NEK11: variants seen among roughly 807,000 people sequenced by gnomAD.
NEK11 encodes NIMA related kinase 11, also known as serine/threonine-protein kinase Nek11.
A neutral mutation model predicts 80.7 loss-of-function variants in NEK11; 72 were observed. The ratio of observed to expected loss-of-function variants is 0.89; its 90% CI spans 0.74 to 1.08. The LOEUF is 1.08. Ranked by LOEUF, NEK11 falls within the 50% of genes least tolerant of loss-of-function variation. The probability of loss-of-function intolerance (pLI) is 0.00; values close to 1 mark genes in which losing one functional copy is unlikely to be tolerated. For synonymous variants in NEK11, 251 were observed against 260.7 expected, an observed-to-expected ratio of 0.96 and a Z score of 0.36; for missense variants, 764 against 763.6, an observed-to-expected ratio of 1.00 and a Z score of -0.01.
intron 17 of NEK11, among the ~76,000 whole-genome samples, chr3:131,299,815 T>A (rs530467752): frequency 2.0e-5 from 3 of 152,342 alleles, no homozygotes; most frequent in African/African-American, 7.2e-5. Flanking sequence ...TTTGCTTTTG[T>A]GAATAGTGCT....
intron 17 of NEK11, among the ~76,000 whole-genome samples, chr3:131,344,671 A>G (rs777048781): frequency 6.6e-6 from 1 of 152,218 alleles, no homozygotes; most frequent in Non-Finnish European, 1.5e-5. Context: ...CAAGCATAGC[A>G]CCAACATCTG....
intron 10 of NEK11, among the ~76,000 whole-genome samples, chr3:131,160,661 C>T (rs1392552508): frequency 1.3e-5 from 2 of 152,174 alleles, no homozygotes; most frequent in East Asian, 3.9e-4. Flanking sequence ...CAAGGCCCAA[C>T]TATATGCTGT....
chr3:131,149,408 G>A (rs184551071), intron 7 of NEK11, among the ~76,000 whole-genome samples: 167 of 152,116 alleles, frequency 1.1e-3, no homozygotes, highest in Non-Finnish European at 1.9e-3. Context: ...CTTTGCTATT[G>A]TGAATAGTGC....
intron 17 of NEK11, among the ~76,000 whole-genome samples, chr3:131,279,404 T>G (rs1426741808): frequency 6.6e-6 from 1 of 152,154 alleles, no homozygotes; most frequent in Non-Finnish European, 1.5e-5. Flanking sequence ...AGTATATAAT[T>G]TACATGCAGC....
intron 3 of NEK11, among the ~76,000 whole-genome samples, chr3:131,061,325 A>G (rs2070821568): frequency 6.6e-6 from 1 of 152,212 alleles, no homozygotes; most frequent in African/African-American, 2.4e-5. Flanking sequence ...AGTGGTGTCA[A>G]GTTGAGTTTA....
At chr3:131,312,618 T>C (rs892622717) in intron 17 of NEK11, among the ~76,000 whole-genome samples, 1 of 152,238 alleles carries the variant, frequency 6.6e-6, no homozygotes, top group Admixed American at 6.5e-5. Flanking sequence ...ATTTATTGAA[T>C]GGTCAGTCAA....
chr3:131,257,002 T>A (rs918359862), intron 16 of NEK11, among the ~76,000 whole-genome samples: 2 of 152,022 alleles, frequency 1.3e-5, no homozygotes, highest in African/African-American at 4.8e-5. Context: ...AATTTTTTTT[T>A]AAGACAGGGT....
In NEK11 at chr3:131,166,950, C is replaced by T. The variant is rs1423749955; in HGVS notation, c.1176+1431C>T. On this transcript the variant is annotated intron_variant, in intron 12 of 17. Transcript: ENST00000383366. The stretch of plus-strand genomic sequence containing the variant: ...TTCTCTGGTGCAGTCTGCTTTGTCC[C>T]CCTGCAGTGCTGAGAACTGCACATT... Among the ~76,000 whole-genome samples the T allele has an allele frequency of 2.6e-5, 4 of 152,146 alleles. No homozygotes were observed. The South Asian group carries it at 6.2e-4, about 24-fold the overall frequency.
At chr3:131,176,683 C>G (rs1017373296) in intron 14 of NEK11, among the ~76,000 whole-genome samples, 49 of 152,226 alleles carry the variant, frequency 3.2e-4, no homozygotes, top group African/African-American at 1.2e-3. Flanking sequence ...CTGTCTAACA[C>G]CTGCCCAACA....
rs768092682 is a variant in NEK11 at position 131,132,756 on chromosome 3, A to T, written c.467A>T (p.His156Leu). 26 of 1,525,156 alleles carry T rather than the reference A, an allele frequency of 1.7e-5. No individual in the cohort carries two copies. Among genetic ancestry groups the T allele is most frequent in the Non-Finnish European group, 2.2e-5 (25 of 1,117,732 alleles). 94.5% of individuals were successfully genotyped at this position (1,525,156 alleles called of 1,614,324 possible). A position where few individuals can be genotyped will look rare whatever the true frequency, so the allele number is the denominator to read the frequency against. Residue 156 changes from histidine (H) to leucine (L), a missense_variant, in exon 6 of 18, where the codon CAT becomes CTT. Coordinates refer to ENST00000383366, the MANE Select transcript of NEK11 (RefSeq NM_024800.5). ...VDYMHERRILHRDLKSKNVFL... is the reference protein window; with the variant it reads ...VDYMHERRILLRDLKSKNVFL... ...TTTGCCTTTTGTAGGAGGATACTTC[A>T]TCGAGACTTAAAGTCAAAGAATGTA... is the stretch of plus-strand genomic sequence containing the variant.
chr3:131,168,073 C>T (rs1278989954), intron 12 of NEK11, among the ~76,000 whole-genome samples: 2 of 152,220 alleles, frequency 1.3e-5, no homozygotes, highest in African/African-American at 4.8e-5. Flanking sequence ...CTGGATGGCT[C>T]AGCATCGCCA....
At chr3:131,312,738 C>G (rs2096794349) in intron 17 of NEK11, among the ~76,000 whole-genome samples, 1 of 152,046 alleles carries the variant, frequency 6.6e-6, no homozygotes, top group Non-Finnish European at 1.5e-5. Flanking sequence ...TTTCAGAACC[C>G]CTAAGATGCT....
In NEK11 at chr3:131,349,427, C is replaced by G. The variant is rs1203713663; in HGVS notation, c.1719-130C>G. ...AAATGTTTAGGGTGGAGATATTGTG[C>G]CTTTTCTTCCCCCTTTTTTTCTAAA... is the stretch of plus-strand genomic sequence containing the variant. On this transcript the variant is annotated intron_variant, in intron 17 of 17. Coordinates refer to ENST00000383366, the MANE Select transcript of NEK11 (RefSeq NM_024800.5). 3 of 711,766 alleles carry G rather than the reference C, an allele frequency of 4.2e-6. No individual in the cohort carries two copies. In the East Asian group the frequency reaches 8.1e-5, roughly 19 times the overall value. The allele number at this position is 711,766 out of a possible 1,614,324, so 44.1% of individuals were successfully genotyped here. A position where few individuals can be genotyped will look rare whatever the true frequency, so the allele number is the denominator to read the frequency against.
chr3:131,078,482 A>G (rs994389442), intron 3 of NEK11, among the ~76,000 whole-genome samples: 1 of 152,106 alleles, frequency 6.6e-6, no homozygotes, highest in Non-Finnish European at 1.5e-5. Context: ...TTTTAATTGT[A>G]GTCTCTCACT....
intron 3 of NEK11, among the ~76,000 whole-genome samples, chr3:131,061,136 AC>A (rs2070780362): frequency 6.6e-6 from 1 of 152,196 alleles, no homozygotes; most frequent in Admixed American, 6.5e-5. Context: ...CTACATTTAA[AC>A]AAGATCCTGG....
At chr3:131,085,240 C>T (rs559866673) in intron 4 of NEK11, among the ~76,000 whole-genome samples, 1 of 152,326 alleles carries the variant, frequency 6.6e-6, no homozygotes, top group South Asian at 2.1e-4. Context: ...TTTTAGCTCT[C>T]ATTGTGTATG....
intron 3 of NEK11, among the ~76,000 whole-genome samples, chr3:131,052,657 G>A (rs570877478): frequency 4.6e-5 from 7 of 152,202 alleles, no homozygotes; most frequent in Admixed American, 1.3e-4. Flanking sequence ...TAAACCTGGT[G>A]GCAAATTATT....
At position 131,323,539 on chromosome 3, in the gene NEK11, G is replaced by A. The variant is rs192239957; in HGVS notation, c.1719-26018G>A. On this transcript the variant is annotated intron_variant, in intron 17 of 17. Transcript: ENST00000383366. ...TTTCTGGAATGCATGTCACATTTCCGGCCAGTGTTCTATAATAAACCCATT... is the reference window on the plus strand; with the variant it reads ...TTTCTGGAATGCATGTCACATTTCCAGCCAGTGTTCTATAATAAACCCATT... Among the ~76,000 whole-genome samples, 672 of 152,152 alleles carry A rather than the reference G, an allele frequency of 4.4e-3. 2 individuals carry two copies. The highest frequency in any genetic ancestry group is 0.014 in the Middle Eastern group (4 of 294).
intron 14 of NEK11, among the ~76,000 whole-genome samples, chr3:131,225,545 A>G (rs754086036): frequency 6.6e-6 from 1 of 152,248 alleles, no homozygotes; most frequent in Non-Finnish European, 1.5e-5. Flanking sequence ...CAACAATTCC[A>G]TGAGATGAAT....
Sources: gnomAD v4.1 joint callset for allele counts (sites outside exome capture counted in the v4.1 genomes callset) on GRCh38, gnomAD v4.1.1 for gene constraint, MANE v1.5 for transcripts, NCBI Gene and HGNC (gene_info 2026-07-23, HGNC 2026-07-21) for gene names.